DPP10: variants seen among roughly 807,000 people sequenced by gnomAD.
DPP10 encodes the protein inactive dipeptidyl peptidase 10.
Under a neutral mutation model 120.9 loss-of-function variants are expected in DPP10, and 33 were observed. The observed-to-expected ratio is 0.27, with a 90% confidence interval of 0.21 to 0.37. The LOEUF is 0.37. Among genes scored for constraint, DPP10 ranks in the 10% least tolerant of loss-of-function variants. The probability of loss-of-function intolerance (pLI) is 1.00; values close to 1 mark genes in which losing one functional copy is unlikely to be tolerated. For missense variants in DPP10, 816 were observed against 942.8 expected, an observed-to-expected ratio of 0.87 and a Z score of 1.76; for synonymous variants, 337 against 326.1, an observed-to-expected ratio of 1.03 and a Z score of -0.36.
chr2:114,704,878 C>G (rs1317806070), intron 1 of DPP10, among the ~76,000 whole-genome samples: 2 of 152,058 alleles, frequency 1.3e-5, no homozygotes, highest in African/African-American at 4.8e-5. Context: ...AATCCTAACT[C>G]TATAGACTGG....
intron 13 of DPP10, among the ~76,000 whole-genome samples, chr2:115,775,810 CTT>C (rs1038993859): frequency 3.3e-5 from 5 of 151,944 alleles, no homozygotes; most frequent in Admixed American, 1.3e-4. Context: ...AAAATTAACT[CTT>C]ATTTTTTGAA....
intron 7 of DPP10, among the ~76,000 whole-genome samples, chr2:115,704,950 C>T (rs957391885): frequency 6.6e-6 from 1 of 151,796 alleles, no homozygotes; most frequent in Non-Finnish European, 1.5e-5. Context: ...GACTCCTTCC[C>T]TGAAATTGCT....
At chr2:115,011,387 G>A (rs944810382) in intron 1 of DPP10, among the ~76,000 whole-genome samples, 1 of 152,192 alleles carries the variant, frequency 6.6e-6, no homozygotes, top group Non-Finnish European at 1.5e-5. Context: ...ATCTCTAACT[G>A]TAATTGTGGA....
chr2:115,110,851 C>T (rs984637594), intron 1 of DPP10, among the ~76,000 whole-genome samples: 5 of 152,058 alleles, frequency 3.3e-5, no homozygotes, highest in African/African-American at 1.2e-4. Flanking sequence ...TAGTGACTTA[C>T]CCAACCATAT....
intron 7 of DPP10, among the ~76,000 whole-genome samples, chr2:115,713,388 C>T (rs1436114824): frequency 6.6e-6 from 1 of 151,984 alleles, no homozygotes; most frequent in African/African-American, 2.4e-5. Context: ...GATAAAAAGC[C>T]AGGGATTATT....
Position 115,272,955 on chromosome 2 carries a change from T to G in DPP10, c.61-36284T>G, listed in dbSNP as rs1451459661. On this transcript the variant is annotated intron_variant, in intron 1 of 25. Transcript: ENST00000410059. ...AATCAGATGTGAAGAGTGGGTTTGC[T>G]GCACTGTAACATGCTATTATTGCTT... Among the ~76,000 whole-genome samples, 6 of 152,362 alleles carry G rather than the reference T, an allele frequency of 3.9e-5. No individual in the cohort carries two copies. In the East Asian group the frequency reaches 1.2e-3, roughly 29 times the overall value.
At chr2:115,815,975 A>G (rs369529864) in intron 21 of DPP10, among the ~76,000 whole-genome samples, 1 of 151,778 alleles carries the variant, frequency 6.6e-6, no homozygotes, top group Non-Finnish European at 1.5e-5. Flanking sequence ...TTGTATGTAT[A>G]CATATGTAAT....
At chr2:114,957,434 A>G (rs1698296258) in intron 1 of DPP10, among the ~76,000 whole-genome samples, 1 of 152,204 alleles carries the variant, frequency 6.6e-6, no homozygotes, top group African/African-American at 2.4e-5. Context: ...GGCTATTATC[A>G]AAGTGACAAC....
At chr2:114,454,160 C>G (rs1284461964) in intron 1 of DPP10, among the ~76,000 whole-genome samples, 3 of 152,220 alleles carry the variant, frequency 2.0e-5, no homozygotes, top group Non-Finnish European at 2.9e-5. Flanking sequence ...GCAATAGCAG[C>G]TTGGTGAAGA....
intron 1 of DPP10, among the ~76,000 whole-genome samples, chr2:114,650,424 A>G (rs939166768): frequency 2.0e-5 from 3 of 152,174 alleles, no homozygotes; most frequent in African/African-American, 7.2e-5. Context: ...TAGTGCTCCA[A>G]AAAGTGATAC....
chr2:115,663,712 A>T (rs1198800966), intron 5 of DPP10, among the ~76,000 whole-genome samples: 2 of 152,046 alleles, frequency 1.3e-5, no homozygotes, highest in African/African-American at 4.8e-5. Context: ...TATAATACAT[A>T]CAGGCTGGGC....
intron 17 of DPP10, among the ~76,000 whole-genome samples, chr2:115,789,999 A>G (rs1206652920): frequency 2.0e-5 from 3 of 152,164 alleles, no homozygotes; most frequent in East Asian, 1.9e-4. Flanking sequence ...ATATGTACAC[A>G]TGGATATATG....
intron 1 of DPP10, among the ~76,000 whole-genome samples, chr2:115,105,351 T>A (rs2048894576): frequency 6.6e-6 from 1 of 152,058 alleles, no homozygotes; most frequent in South Asian, 2.1e-4. Context: ...TGCTAGCATC[T>A]GCTTCTGGTG....
intron 1 of DPP10, among the ~76,000 whole-genome samples, chr2:114,925,941 G>T (rs1316269376): frequency 6.6e-6 from 1 of 152,174 alleles, no homozygotes; most frequent in African/African-American, 2.4e-5. Context: ...TACATACTAA[G>T]CACGGTATTC....
chr2:115,630,830 T>C (rs552809100), intron 5 of DPP10, among the ~76,000 whole-genome samples: 24 of 152,276 alleles, frequency 1.6e-4, no homozygotes, highest in Admixed American at 1.3e-3. Flanking sequence ...GATTTTTGCA[T>C]TGATGTTTGT....
chr2:114,971,155 C>T (rs1366112679), intron 1 of DPP10, among the ~76,000 whole-genome samples: 2 of 152,140 alleles, frequency 1.3e-5, no homozygotes, highest in Non-Finnish European at 2.9e-5. Flanking sequence ...ACATTTAGAG[C>T]TTAGGGCGGT....
chr2:115,681,811 T>G (rs2149475940), intron 5 of DPP10, among the ~76,000 whole-genome samples: 2 of 150,684 alleles, frequency 1.3e-5, no homozygotes, highest in African/African-American at 4.9e-5. Flanking sequence ...CCTTCCTTCC[T>G]TCCTTCCTTC....
chr2:115,560,054 G>T (rs1184928081), intron 5 of DPP10, among the ~76,000 whole-genome samples: 3 of 151,686 alleles, frequency 2.0e-5, no homozygotes, highest in Non-Finnish European at 4.4e-5. Flanking sequence ...AAGACTTGAG[G>T]TCGCCGTTCA....
chr2:114,670,283 G>A (rs376395667), intron 1 of DPP10, among the ~76,000 whole-genome samples: 4 of 152,070 alleles, frequency 2.6e-5, no homozygotes, highest in Non-Finnish European at 5.9e-5. Flanking sequence ...ATGTCCCACA[G>A]TGATAGACAA....
Sources: allele counts gnomAD v4.1 joint callset (sites outside exome capture counted in the v4.1 genomes callset), GRCh38; gene constraint gnomAD v4.1.1; transcripts MANE v1.5; gene names NCBI Gene and HGNC (gene_info 2026-07-23, HGNC 2026-07-21).